COL25A1: variants seen among roughly 807,000 people sequenced by gnomAD.
The protein encoded by COL25A1 is collagen alpha-1(XXV) chain.
A neutral mutation model predicts 128.4 loss-of-function variants in COL25A1; 103 were observed. That is an observed-to-expected ratio of 0.80 (90% CI 0.68 to 0.94). COL25A1 has a LOEUF of 0.94. Ranked by LOEUF, COL25A1 falls within the 40% of genes least tolerant of loss-of-function variation. The probability of loss-of-function intolerance (pLI) is 0.00; values close to 1 mark genes in which losing one functional copy is unlikely to be tolerated. For synonymous variants in COL25A1, 279 were observed against 277.2 expected (o/e 1.01, Z -0.06); for missense variants, 745 against 840.0 (o/e 0.89, Z 1.40).
intron 3 of COL25A1, among the ~76,000 whole-genome samples, chr4:109,231,877 A>G (rs1221993647): frequency 6.6e-6 from 1 of 152,190 alleles, no homozygotes; most frequent in East Asian, 1.9e-4. Flanking sequence ...GAAATTAAAT[A>G]CTTACACAAA....
chr4:109,142,581 T>C (rs1000297908), intron 3 of COL25A1, among the ~76,000 whole-genome samples: 3 of 152,162 alleles, frequency 2.0e-5, no homozygotes, highest in African/African-American at 7.2e-5. Context: ...ACTTACTTTA[T>C]GACTCTCGGT....
intron 3 of COL25A1, among the ~76,000 whole-genome samples, chr4:109,064,912 A>T (rs1166180511): frequency 6.6e-6 from 1 of 152,228 alleles, no homozygotes; most frequent in Non-Finnish European, 1.5e-5. Flanking sequence ...GCAGATCATT[A>T]TGTGAGGATC....
intron 35 of COL25A1, among the ~76,000 whole-genome samples, chr4:108,823,085 CTTCT>C (rs1294991000): frequency 6.6e-6 from 1 of 152,306 alleles, no homozygotes; most frequent in East Asian, 1.9e-4. Context: ...GCTTAATAAT[CTTCT>C]TTCTTTCACA....
intron 17 of COL25A1, 139 bp from the exon 18 acceptor site, chr4:108,889,395 C>G: frequency 1.4e-6 from 1 of 710,060 alleles, no homozygotes; most frequent in South Asian, 1.9e-5. Flanking sequence ...TCCTGTGACT[C>G]TACATCTCAC....
chr4:109,196,344 GTGTATGAGAGAA>G (rs1776040774), intron 3 of COL25A1, among the ~76,000 whole-genome samples: 1 of 152,072 alleles, frequency 6.6e-6, no homozygotes, highest in South Asian at 2.1e-4. Context: ...ATAGTTTATA[GTGTATGAGAGAA>G]TAAATATAAA....
chr4:109,249,310 T>C (rs1393200853), intron 3 of COL25A1, among the ~76,000 whole-genome samples: 1 of 152,198 alleles, frequency 6.6e-6, no homozygotes, highest in Non-Finnish European at 1.5e-5. Context: ...CCAAGATTCA[T>C]GTGATCTTCA....
rs144800077 is a variant in COL25A1, at chr4:108,998,249, T to A, written c.438+12109A>T. ...CCATCGTCTCAGCCCCAAATTTCCT[T>A]AAGCTGATAAGCAACTTCAGCAAAG... On this transcript the variant is annotated intron_variant, in intron 6 of 37. Coordinates refer to ENST00000399132, the MANE Select transcript of COL25A1 (RefSeq NM_198721.4). Among the ~76,000 whole-genome samples, 39 of 152,320 alleles carry A rather than the reference T, an allele frequency of 2.6e-4. No homozygotes were observed. In the East Asian group the frequency reaches 6.9e-3, roughly 27 times the overall value.
chr4:108,908,903 G>A (rs1743866270), intron 13 of COL25A1, among the ~76,000 whole-genome samples: 1 of 152,084 alleles, frequency 6.6e-6, no homozygotes, highest in South Asian at 2.1e-4. Context: ...CTGGGTGAGG[G>A]CCACAGAACT....
At chr4:108,899,069 A>T (rs1742513574) in intron 15 of COL25A1, 85 bp downstream of exon 15, 1 of 1,321,144 alleles carries the variant, frequency 7.6e-7, no homozygotes, top group Non-Finnish European at 1.1e-6. Flanking sequence ...CCATCCATTC[A>T]TGCATATAGT....
At chr4:109,237,781 T>C (rs1405803420) in intron 3 of COL25A1, among the ~76,000 whole-genome samples, 3 of 152,062 alleles carry the variant, frequency 2.0e-5, no homozygotes, top group African/African-American at 7.2e-5. Flanking sequence ...GAACATTTTT[T>C]ACCTGCAAAA....
intron 3 of COL25A1, among the ~76,000 whole-genome samples, chr4:109,207,567 G>A (rs1453989504): frequency 6.6e-6 from 1 of 152,022 alleles, no homozygotes; most frequent in Non-Finnish European, 1.5e-5. Context: ...CTAGTGCATG[G>A]TTTTCCCTCA....
intron 3 of COL25A1, among the ~76,000 whole-genome samples, chr4:109,220,528 TA>T (rs1223048113): frequency 3.9e-5 from 6 of 152,224 alleles, no homozygotes; most frequent in Non-Finnish European, 8.8e-5. Context: ...AAGACCGGAC[TA>T]ATTCTATCAT....
intron 5 of COL25A1, among the ~76,000 whole-genome samples, chr4:109,039,124 A>G (rs1044402475): frequency 1.3e-5 from 2 of 151,990 alleles, no homozygotes; most frequent in African/African-American, 4.8e-5. Context: ...CATTCTTTCC[A>G]GATCATTTTA....
intron 3 of COL25A1, among the ~76,000 whole-genome samples, chr4:109,149,054 TC>T (rs1315058383): frequency 6.6e-6 from 1 of 152,254 alleles, no homozygotes; most frequent in African/African-American, 2.4e-5. Context: ...AATTGTATTA[TC>T]ATACATGTCT....
chr4:109,045,365 G>A (rs1205216899), intron 5 of COL25A1, among the ~76,000 whole-genome samples: 1 of 152,066 alleles, frequency 6.6e-6, no homozygotes, highest in East Asian at 1.9e-4. Flanking sequence ...TTAAGGTGAT[G>A]TAAAAATAGG....
intron 19 of COL25A1, among the ~76,000 whole-genome samples, chr4:108,870,209 T>A (rs1738537951): frequency 6.6e-6 from 1 of 152,140 alleles, no homozygotes; most frequent in Non-Finnish European, 1.5e-5. Context: ...TGAGCCGTGA[T>A]GGCGCCACTG....
At chr4:108,905,788 C>T (rs948604842) in intron 13 of COL25A1, among the ~76,000 whole-genome samples, 2 of 151,306 alleles carry the variant, frequency 1.3e-5, no homozygotes, top group Non-Finnish European at 2.9e-5. Flanking sequence ...AATGGAGACT[C>T]CACTCCATTG....
At chr4:109,204,309 T>C (rs1051690072) in intron 3 of COL25A1, among the ~76,000 whole-genome samples, 1 of 152,174 alleles carries the variant, frequency 6.6e-6, no homozygotes, top group Non-Finnish European at 1.5e-5. Context: ...AAATTTGACA[T>C]TTTTATATAG....
chr4:108,968,191 C>T (rs1407948923), intron 8 of COL25A1, among the ~76,000 whole-genome samples: 3 of 152,160 alleles, frequency 2.0e-5, no homozygotes, highest in Admixed American at 1.3e-4. Context: ...TATTATATTA[C>T]ACCTAAAACT....
Sources: gnomAD v4.1 joint callset for allele counts (sites outside exome capture counted in the v4.1 genomes callset) on GRCh38, gnomAD v4.1.1 for gene constraint, MANE v1.5 for transcripts, NCBI Gene and HGNC (gene_info 2026-07-23, HGNC 2026-07-21) for gene names.